ATP10B: variants seen among roughly 807,000 people sequenced by gnomAD.
ATP10B encodes phospholipid-transporting ATPase VB.
A neutral mutation model predicts 141.2 loss-of-function variants in ATP10B; 122 were observed. The ratio of observed to expected loss-of-function variants is 0.86; its 90% CI spans 0.75 to 1.00. The LOEUF (loss-of-function observed/expected upper bound fraction) is 1.00, where lower values mean the gene tolerates loss of function less well. Among genes scored for constraint, ATP10B ranks in the 50% least tolerant of loss-of-function variants. The pLI is 0.00. For missense variants in ATP10B, 1,876 were observed against 1,825.3 expected (o/e 1.03, Z -0.51); for synonymous variants, 685 against 692.0 (o/e 0.99, Z 0.16).
intron 11 of ATP10B, among the ~76,000 whole-genome samples, chr5:160,635,523 A>G (rs1169917816): frequency 6.6e-6 from 1 of 152,214 alleles, no homozygotes; most frequent in Admixed American, 6.5e-5. Flanking sequence ...TTACTCTGCA[A>G]GATGAATGGA....
Position 160,826,133 on chromosome 5 carries a change from CT to C in ATP10B, c.-576+25807del, listed in dbSNP as rs575168461. 6.0e-3 allele frequency among the ~76,000 whole-genome samples: 913 copies of C among 152,134 alleles called. 13 individuals are homozygous for C. Among genetic ancestry groups the C allele is most frequent in the African/African-American group, 0.021 (869 of 41,512 alleles). On this transcript the variant is annotated intron_variant, in intron 1 of 25. Transcript: ENST00000327245. ...GCAATGAACATATGAGTGTATGTGT[CT>C]TTTTTTGTATAACTCTCTATTTTCC... is the stretch of plus-strand genomic sequence containing the variant.
At chr5:160,834,758 G>A (rs539877419) in intron 1 of ATP10B, among the ~76,000 whole-genome samples, 6 of 152,182 alleles carry the variant, frequency 3.9e-5, no homozygotes, top group Admixed American at 6.5e-5. Context: ...TGTGGTATAC[G>A]TTTCTTCCCC....
chr5:160,830,798 C>T (rs532695209), intron 1 of ATP10B, among the ~76,000 whole-genome samples: 4 of 152,148 alleles, frequency 2.6e-5, no homozygotes, highest in African/African-American at 4.8e-5. Flanking sequence ...AGAAGGATCA[C>T]TGACAAGTGA....
chr5:160,888,694 C>A, the ATP10B span, among the ~76,000 whole-genome samples: 1 of 152,136 alleles, frequency 6.6e-6, no homozygotes, highest in African/African-American at 2.4e-5. Context: ...TTCCTTTGTT[C>A]CTAGGATTCT....
intron 2 of ATP10B, among the ~76,000 whole-genome samples, chr5:160,784,745 T>C (rs1771008531): frequency 6.6e-6 from 1 of 152,146 alleles, no homozygotes; most frequent in South Asian, 2.1e-4. Flanking sequence ...TGATGGAGTA[T>C]GTGAGGTCTT....
At chr5:160,835,037 T>C (rs571561908) in intron 1 of ATP10B, among the ~76,000 whole-genome samples, 34 of 152,168 alleles carry the variant, frequency 2.2e-4, no homozygotes, top group Admixed American at 1.6e-3. Flanking sequence ...ACAGCTGAGA[T>C]ATAGATTACT....
At chr5:160,628,561 C>T (rs1263021316) in intron 13 of ATP10B, among the ~76,000 whole-genome samples, 1 of 152,006 alleles carries the variant, frequency 6.6e-6, no homozygotes, top group African/African-American at 2.4e-5. Flanking sequence ...ACACCTCCTT[C>T]GCTCCTCTCT....
Position 160,693,997 on chromosome 5 carries a change from C to T in ATP10B, c.-204-5054G>A, listed in dbSNP as rs181800455. 3.8e-3 allele frequency among the ~76,000 whole-genome samples: 577 copies of T among 152,246 alleles called. 4 individuals are homozygous for T. Among genetic ancestry groups the T allele is most frequent in the African/African-American group, 0.013 (548 of 41,548 alleles). On this transcript the variant is annotated intron_variant, in intron 3 of 25. Coordinates refer to ENST00000327245, the MANE Select transcript of ATP10B (RefSeq NM_025153.3). ...GCAGAAGCTGAGGCTGGAGAGACAG[C>T]CCAGGGTCAGATGGCCTGCTGAGGC...
At chr5:160,604,156 T>C in intron 19 of ATP10B, 115 bp from the exon 20 acceptor site, 1 of 764,064 alleles carries the variant, frequency 1.3e-6, no homozygotes, top group Non-Finnish European at 2.3e-6. Flanking sequence ...ATTACTCTAG[T>C]GCTATAGAAA....
intron 24 of ATP10B, among the ~76,000 whole-genome samples, chr5:160,588,859 A>C (rs934417428): frequency 1.1e-4 from 16 of 152,196 alleles, no homozygotes; most frequent in African/African-American, 3.9e-4. Context: ...TTAGATATCA[A>C]AATGTGACAT....
chr5:160,594,970 ATTAGACAGATCAATGAGACAGAAAG>A, intron 22 of ATP10B, among the ~76,000 whole-genome samples: 1 of 152,206 alleles, frequency 6.6e-6, no homozygotes, highest in South Asian at 2.1e-4. Flanking sequence ...TACTGTCAAC[ATTAGACAGATCAATGAGACAGAAAG>A]TTAACAAGGA....
intron 1 of ATP10B, among the ~76,000 whole-genome samples, chr5:160,792,344 T>C (rs879297664): frequency 6.6e-6 from 1 of 152,184 alleles, no homozygotes; most frequent in East Asian, 1.9e-4. Context: ...TTGTTCCTTT[T>C]ATTTTAGAAA....
intron 8 of ATP10B, among the ~76,000 whole-genome samples, chr5:160,648,449 C>T (rs79243574): frequency 0.01 from 1,543 of 152,224 alleles, 18 homozygotes; most frequent in African/African-American, 0.035. Flanking sequence ...AGAAAAGCAT[C>T]GTATAAGGGC....
rs1172709538 is a variant in ATP10B, at chr5:160,767,640, C to A, written c.-331+17919G>T. Among the ~76,000 whole-genome samples, 2 of 117,304 alleles carry A rather than the reference C, an allele frequency of 1.7e-5. 1 individual carries two copies. Among genetic ancestry groups the A allele is most frequent in the Non-Finnish European group, 3.7e-5 (2 of 54,540 alleles). The allele number at this position is 117,304 out of a possible 152,430, so 77.0% of individuals were successfully genotyped here. A position where few individuals can be genotyped will look rare whatever the true frequency, so the allele number is the denominator to read the frequency against. Reference sequence around the variant, plus strand: ...GTGAGGGTCATGTGTGCAGAACCCCCCCCCCCAAAATAACAGGTTACTCTG... The same window carrying A: ...GTGAGGGTCATGTGTGCAGAACCCCACCCCCCAAAATAACAGGTTACTCTG... On this transcript the variant is annotated intron_variant, in intron 2 of 25. Coordinates refer to ENST00000327245, the MANE Select transcript of ATP10B (RefSeq NM_025153.3).
chr5:160,740,184 C>G lies in ATP10B; in HGVS notation c.-330-23150G>C, dbSNP rs62390744. Among the ~76,000 whole-genome samples the G allele has an allele frequency of 7.3e-3, 1,119 of 152,320 alleles. 9 individuals are homozygous for G. Among genetic ancestry groups the G allele is most frequent in the Non-Finnish European group, 0.011 (743 of 68,018 alleles). On this transcript the variant is annotated intron_variant, in intron 2 of 25. Transcript: ENST00000327245. ...GCCCCCAGAGGCAATCCAGTTTTAA[C>G]TATCTGGGGTTGTGAAAAATAAAAT...
intron 8 of ATP10B, among the ~76,000 whole-genome samples, chr5:160,648,858 T>C (rs980316518): frequency 1.3e-5 from 2 of 151,924 alleles, no homozygotes; most frequent in African/African-American, 4.8e-5. Context: ...AAAAAATTGA[T>C]CTTAATTAAA....
At chr5:160,783,962 C>T (rs751243155) in intron 2 of ATP10B, among the ~76,000 whole-genome samples, 4 of 152,162 alleles carry the variant, frequency 2.6e-5, no homozygotes, top group Non-Finnish European at 5.9e-5. Context: ...ATATACACAT[C>T]CTGTGTCCCA....
Position 160,603,959 on chromosome 5 carries a change from C to A in ATP10B, c.3237+6G>T. ...AAGAAAGAAGAATAGTTGCAGAGAA[C>A]AATACCTGCATGCCTTCCTGTCCAG... On this transcript the variant is annotated splice_donor_region_variant and intron_variant, in intron 20 of 25. Coordinates refer to ENST00000327245, the MANE Select transcript of ATP10B (RefSeq NM_025153.3). The A allele has an allele frequency of 6.2e-7, 1 of 1,609,140 alleles. No homozygotes were observed. Among genetic ancestry groups the A allele is most frequent in the Middle Eastern group, 1.7e-4 (1 of 6,046 alleles).
rs560425931 is a variant in ATP10B, at chr5:160,636,687, C to A, written c.1001-378G>T. 2.4e-3 allele frequency among the ~76,000 whole-genome samples: 363 copies of A among 152,062 alleles called. 2 individuals carry two copies. Among genetic ancestry groups the A allele is most frequent in the Non-Finnish European group, 4.2e-3 (286 of 67,982 alleles). ...TGGGTAGGGAGCCTTGAGACCTGTC[C>A]CCTAGTCTTCCCCTTCTTATCCCAT... On this transcript the variant is annotated intron_variant, in intron 10 of 25. Transcript: ENST00000327245.
Sources: allele counts gnomAD v4.1 joint callset (sites outside exome capture counted in the v4.1 genomes callset), GRCh38; gene constraint gnomAD v4.1.1; transcripts MANE v1.5; gene names NCBI Gene and HGNC (gene_info 2026-07-23, HGNC 2026-07-21).